Variants in CLIP1 observed in about 807,000 individuals in gnomAD.
CLIP1 encodes the protein CAP-Gly domain-containing linker protein 1.
In CLIP1, 66 loss-of-function variants were observed where a neutral mutation model predicts 161.6. The ratio of observed to expected loss-of-function variants is 0.41; its 90% confidence interval spans 0.33 to 0.50. The LOEUF (loss-of-function observed/expected upper bound fraction) is 0.50, where lower values mean the gene tolerates loss of function less well. CLIP1 is among the 20% of genes least tolerant of loss of function. CLIP1 has a pLI of 0.27. For missense variants in CLIP1, 1,376 were observed against 1,702.0 expected (o/e 0.81, Z 3.37); for synonymous variants, 598 against 626.2 (o/e 0.96, Z 0.67).
chr12:122,407,571 C>T (rs1400833103), intron 1 of CLIP1, among the ~76,000 whole-genome samples: 2 of 151,470 alleles, frequency 1.3e-5, no homozygotes, highest in South Asian at 2.1e-4. Context: ...TATGGTGTCG[C>T]GTGCCTGCAG....
At chr12:122,337,221 G>A (rs1952270113) in intron 11 of CLIP1, among the ~76,000 whole-genome samples, 1 of 152,068 alleles carries the variant, frequency 6.6e-6, no homozygotes, top group African/African-American at 2.4e-5. Context: ...GCTGAGGCAA[G>A]TGGATCATTT....
At chr12:122,318,559 A>G (rs1228360413) in intron 18 of CLIP1, among the ~76,000 whole-genome samples, 1 of 152,138 alleles carries the variant, frequency 6.6e-6, no homozygotes, top group Non-Finnish European at 1.5e-5. Context: ...AAACAAAACA[A>G]AAAAAGCAAC....
chr12:122,319,122 T>C lies in CLIP1; in HGVS notation c.3366+110A>G, dbSNP rs1593054744. On this transcript the variant is annotated intron_variant, in intron 18 of 25. Coordinates refer to ENST00000620786, the MANE Select transcript of CLIP1 (RefSeq NM_001247997.2). ...GTGGCTCTGGCATGCATTTCAAACC[T>C]GTGTAAAGTCACACACTTCAAAAAC... is the stretch of plus-strand genomic sequence containing the variant. 1.5e-5 allele frequency: 11 copies of C among 729,286 alleles called. No individual in the cohort carries two copies. In the East Asian group the frequency reaches 2.3e-4, roughly 15 times the overall value. The allele number at this position is 729,286 out of a possible 1,614,324, so 45.2% of individuals were successfully genotyped here. A position where few individuals can be genotyped will look rare whatever the true frequency, so the allele number is the denominator to read the frequency against.
chr12:122,333,263 T>C, intron 14 of CLIP1, 120 bp from the exon 15 acceptor site: 1 of 726,754 alleles, frequency 1.4e-6, no homozygotes, highest in Non-Finnish European at 2.2e-6. Context: ...AAAAATCACA[T>C]TCTAGTGAAG....
intron 1 of CLIP1, among the ~76,000 whole-genome samples, chr12:122,401,890 G>T (rs367850710): frequency 6.6e-6 from 1 of 151,176 alleles, no homozygotes; most frequent in South Asian, 2.1e-4. Context: ...CCAGCTACTC[G>T]GGAGGCTGAG....
At chr12:122,290,267 T>C (rs186724721) in intron 20 of CLIP1, among the ~76,000 whole-genome samples, 5 of 152,172 alleles carry the variant, frequency 3.3e-5, no homozygotes, top group Non-Finnish European at 5.9e-5. Flanking sequence ...AATCTGTAAA[T>C]GTTAACATAG....
rs1951071952 is a variant in CLIP1 at position 122,311,791 on chromosome 12, G to A, written c.3474-1909C>T. On this transcript the variant is annotated intron_variant, in intron 19 of 25. Coordinates refer to ENST00000620786, the MANE Select transcript of CLIP1 (RefSeq NM_001247997.2). The surrounding 1 kb of genome is among the most constrained non-coding windows in gnomAD (Gnocchi z 4.3). Reference sequence around the variant, plus strand: ...TTCTCATTTAATCCTCAAAGCCCAAGGAGGCTCATGTCATTTATGTTTTAA... The same window carrying A: ...TTCTCATTTAATCCTCAAAGCCCAAAGAGGCTCATGTCATTTATGTTTTAA... Among the ~76,000 whole-genome samples, 1 of 152,154 alleles carries A rather than the reference G, an allele frequency of 6.6e-6. No individual in the cohort carries two copies. Among genetic ancestry groups the A allele is most frequent in the East Asian group, 1.9e-4 (1 of 5,200 alleles).
intron 3 of CLIP1, among the ~76,000 whole-genome samples, chr12:122,371,917 A>G (rs1374043373): frequency 3.3e-5 from 5 of 152,226 alleles, no homozygotes; most frequent in African/African-American, 7.2e-5. Context: ...ATAAGGGGCC[A>G]TGTATTTCCC....
intron 20 of CLIP1, among the ~76,000 whole-genome samples, chr12:122,292,982 A>G (rs557347165): frequency 3.1e-4 from 45 of 145,848 alleles, no homozygotes; most frequent in Admixed American, 9.4e-4. Context: ...CAGCCTGGGC[A>G]AAAGAGCAAG....
chr12:122,303,028 G>A (rs1950748714), intron 20 of CLIP1, among the ~76,000 whole-genome samples: 1 of 152,158 alleles, frequency 6.6e-6, no homozygotes, highest in African/African-American at 2.4e-5. Flanking sequence ...ACTGCATCTG[G>A]CCCTTTCCTT....
At chr12:122,294,633 G>C (rs1238039033) in intron 20 of CLIP1, among the ~76,000 whole-genome samples, 1 of 152,098 alleles carries the variant, frequency 6.6e-6, no homozygotes, top group Non-Finnish European at 1.5e-5. Flanking sequence ...ATGTGACACA[G>C]ACGCCTGTAG....
chr12:122,326,258 A>G (rs1951707752), intron 17 of CLIP1, among the ~76,000 whole-genome samples: 1 of 152,240 alleles, frequency 6.6e-6, no homozygotes, highest in Non-Finnish European at 1.5e-5. Flanking sequence ...GAGACTGGCC[A>G]GGAATGGTGG....
In CLIP1 at chr12:122,377,590, A is replaced by G. The variant is rs144415741; in HGVS notation, c.456T>C (p.Ser152=). The part of the protein sequence containing the change: ...ASRATSPLCT[S]TASMVSSSPS... ...GGGAGGAAGACACCATGCTGGCCGT[A>G]GAAGTGCACAGCGGTGAAGTAGCTC... Residue 152 remains serine (S), a synonymous_variant, in exon 3 of 26, where the codon TCT becomes TCC. Transcript: ENST00000620786. The G allele has an allele frequency of 1.1e-4, 178 of 1,613,992 alleles. No individual in the cohort carries two copies. In the African/African-American group the frequency reaches 1.8e-3, roughly 16 times the overall value.
At position 122,311,550 on chromosome 12, in the gene CLIP1, G is replaced by A. The variant is rs1951064978; in HGVS notation, c.3474-1668C>T. Among the ~76,000 whole-genome samples the A allele has an allele frequency of 6.6e-6, 1 of 151,860 alleles. No individual in the cohort carries two copies. Among genetic ancestry groups the A allele is most frequent in the South Asian group, 2.1e-4 (1 of 4,816 alleles). ...CGCCATTCTCCTGCCTCAGCCTCCTGAGTAACTGGGACTACAGGTGTCCGC... is the reference window on the plus strand; with the variant it reads ...CGCCATTCTCCTGCCTCAGCCTCCTAAGTAACTGGGACTACAGGTGTCCGC... On this transcript the variant is annotated intron_variant, in intron 19 of 25. Coordinates refer to ENST00000620786, the MANE Select transcript of CLIP1 (RefSeq NM_001247997.2). The surrounding 1 kb of genome is among the most constrained non-coding windows in gnomAD (Gnocchi z 4.3).
rs755915925 is a variant in CLIP1 at position 122,377,871 on chromosome 12, G to A, written c.175C>T (p.Arg59Ter). ...ETQEEFVDDF[R>*]VGERVWVNGN... Reference sequence around the variant, plus strand: ...TTCACCCAAACTCGCTCCCCAACTCGAAAGTCATCCACAAATTCCTCCTGA... The same window carrying A: ...TTCACCCAAACTCGCTCCCCAACTCAAAAGTCATCCACAAATTCCTCCTGA... Residue 59 changes from arginine (R) to a stop codon, truncating the protein, a stop_gained, in exon 3 of 26, where the codon CGA becomes TGA. Transcript: ENST00000620786. LOFTEE classifies it high-confidence loss of function. 1.2e-6 allele frequency: 2 copies of A among 1,613,856 alleles called. No homozygotes were observed. The highest frequency in any genetic ancestry group is 8.5e-7 in the Non-Finnish European group (1 of 1,180,012).
chr12:122,351,226 ATAACTT>A, intron 8 of CLIP1, 83 bp from the exon 9 acceptor site: 1 of 833,136 alleles, frequency 1.2e-6, no homozygotes, highest in East Asian at 2.7e-5. Flanking sequence ...GGGTTTCAAG[ATAACTT>A]TATTTGATTA....
Position 122,278,157 on chromosome 12 carries a change from ACT to A in CLIP1, c.3961_3962del (p.Gln1322AspfsTer2). ...QADEDERAQE[S>X]QIDFLNSVIV... ...AGCAATAAGGCAGGAACATTACCTGACTCTCCTGGGCTCTTTCATCCTCGTCT... is the reference window on the plus strand; with the variant it reads ...AGCAATAAGGCAGGAACATTACCTGACTCCTGGGCTCTTTCATCCTCGTCT... On this transcript the variant is annotated frameshift_variant, in exon 24 of 26. Coordinates refer to ENST00000620786, the MANE Select transcript of CLIP1 (RefSeq NM_001247997.2). LOFTEE classifies it high-confidence loss of function. The A allele has an allele frequency of 6.2e-7, 1 of 1,604,402 alleles. No homozygotes were observed. The highest frequency in any genetic ancestry group is 1.7e-5 in the Admixed American group (1 of 59,222).
chr12:122,278,216 G>GAAAAA lies in CLIP1; in HGVS notation c.3917-18_3917-14dup. On this transcript the variant is annotated splice_polypyrimidine_tract_variant and intron_variant, in intron 23 of 25. Coordinates refer to ENST00000620786, the MANE Select transcript of CLIP1 (RefSeq NM_001247997.2). ...GTGTCTGTATTACCTTATATTTGAGGAAAAAAAAAAAAAAACAAGTGGAGG... is the reference window on the plus strand; with the variant it reads ...GTGTCTGTATTACCTTATATTTGAGGAAAAAAAAAAAAAAAAAAAACAAGTGGAGG... The GAAAAA allele has an allele frequency of 1.8e-4, 251 of 1,361,614 alleles. No homozygotes were observed. Among genetic ancestry groups the GAAAAA allele is most frequent in the South Asian group, 4.8e-4 (37 of 77,232 alleles). The allele number at this position is 1,361,614 out of a possible 1,614,324, so 84.3% of individuals were successfully genotyped here.
intron 1 of CLIP1, among the ~76,000 whole-genome samples, chr12:122,391,023 T>C (rs974707711): frequency 1.3e-5 from 2 of 152,114 alleles, no homozygotes; most frequent in African/African-American, 4.8e-5. Flanking sequence ...GTGTGGTGGC[T>C]CACACTTGTA....
Sources: allele counts gnomAD v4.1 joint callset (sites outside exome capture counted in the v4.1 genomes callset), GRCh38; gene constraint gnomAD v4.1.1; non-coding constraint Gnocchi (gnomAD v3.1); transcripts MANE v1.5; gene names NCBI Gene and HGNC (gene_info 2026-07-23, HGNC 2026-07-21).